RRP12: variants seen among roughly 807,000 people sequenced by gnomAD.
RRP12 encodes ribosomal RNA processing 12 homolog.
In RRP12, 78 loss-of-function variants were observed where a neutral mutation model predicts 157.3. That is an observed-to-expected ratio of 0.50 (90% confidence interval 0.41 to 0.60). RRP12 has a LOEUF of 0.60. Ranked by LOEUF, RRP12 falls within the 20% of genes least tolerant of loss-of-function variation. The pLI is 0.00. For synonymous variants in RRP12, 726 were observed against 670.9 expected (o/e 1.08, Z -1.27); for missense variants, 1,521 against 1,679.9 (o/e 0.91, Z 1.65).
chr10:97,370,831 A>T lies in RRP12; in HGVS notation c.2503-35T>A, dbSNP rs376830541. 7.5e-5 allele frequency: 121 copies of T among 1,610,872 alleles called. No individual in the cohort carries two copies. In the East Asian group the frequency reaches 2.0e-3, roughly 27 times the overall value. Reference sequence around the variant, plus strand: ...AAGGGCTACCAGTCAGGACCCCTCAATGCTACCTCCACCCAACAAGCCTCA... The same window carrying T: ...AAGGGCTACCAGTCAGGACCCCTCATTGCTACCTCCACCCAACAAGCCTCA... On this transcript the variant is annotated intron_variant, in intron 21 of 33. Coordinates refer to ENST00000370992, the MANE Select transcript of RRP12 (RefSeq NM_015179.4).
At chr10:97,362,157 C>G (rs1283593196) in intron 30 of RRP12, among the ~76,000 whole-genome samples, 1 of 151,298 alleles carries the variant, frequency 6.6e-6, no homozygotes, top group Non-Finnish European at 1.5e-5. Context: ...AAGAAACCCT[C>G]TGGGGGTCTC....
chr10:97,358,121 T>C (rs1172604213), intron 33 of RRP12, among the ~76,000 whole-genome samples: 3 of 151,706 alleles, frequency 2.0e-5, no homozygotes, highest in Non-Finnish European at 4.4e-5. Context: ...GATCATGAGG[T>C]CAAGAGATCG....
At chr10:97,361,561 A>G (rs1238240352) in intron 30 of RRP12, among the ~76,000 whole-genome samples, 1 of 152,226 alleles carries the variant, frequency 6.6e-6, no homozygotes, top group East Asian at 1.9e-4. Context: ...GGGCAGAGCG[A>G]ACAGGCTGCA....
At chr10:97,358,392 T>C in intron 33 of RRP12, 145 bp downstream of exon 33, 1 of 679,728 alleles carries the variant, frequency 1.5e-6, no homozygotes, top group Non-Finnish European at 2.6e-6. Flanking sequence ...ACCAGCTACA[T>C]GATATAGGTG....
chr10:97,378,789 G>A (rs1159382655), intron 15 of RRP12, among the ~76,000 whole-genome samples: 3 of 152,084 alleles, frequency 2.0e-5, no homozygotes, highest in Non-Finnish European at 2.9e-5. Flanking sequence ...CCCGGAAGGC[G>A]GAGGTTGCAG....
chr10:97,358,194 A>G (rs985045405), intron 33 of RRP12, among the ~76,000 whole-genome samples: 2 of 149,756 alleles, frequency 1.3e-5, no homozygotes, highest in Admixed American at 6.6e-5. Context: ...TTAGCTGGGC[A>G]TGGTGGCACG....
chr10:97,400,186 T>C (rs1845099602), intron 2 of RRP12, 119 bp downstream of exon 2: 1 of 761,944 alleles, frequency 1.3e-6, no homozygotes, highest in Non-Finnish European at 2.3e-6. Context: ...GGAGGAGCGA[T>C]GACGCATCAT....
At chr10:97,363,713 C>T in intron 30 of RRP12, 141 bp downstream of exon 30, 1 of 783,594 alleles carries the variant, frequency 1.3e-6, no homozygotes. Flanking sequence ...TTCTGGACCG[C>T]CTGCTATGCA....
intron 2 of RRP12, among the ~76,000 whole-genome samples, chr10:97,398,035 AC>A (rs1845029112): frequency 1.3e-4 from 10 of 74,592 alleles, no homozygotes; most frequent in African/African-American, 7.3e-4. Context: ...ATATATATAT[AC>A]GTATTTTTTT....
At chr10:97,372,885 G>T in intron 18 of RRP12, 82 bp from the exon 19 acceptor site, 1 of 1,465,036 alleles carries the variant, frequency 6.8e-7, no homozygotes, top group South Asian at 1.2e-5. Context: ...TCCCAGAGCG[G>T]CCTCCCCATC....
intron 25 of RRP12, 39 bp downstream of exon 25, chr10:97,369,386 G>A (rs1207492266): frequency 1.2e-6 from 2 of 1,600,792 alleles, no homozygotes; most frequent in Non-Finnish European, 1.7e-6. Context: ...CAGCTCAGAG[G>A]CCACCCTGCT....
At chr10:97,388,210 A>G in intron 8 of RRP12, 42 bp downstream of exon 8, 1 of 1,611,872 alleles carries the variant, frequency 6.2e-7, no homozygotes, top group Non-Finnish European at 8.5e-7. Context: ...AAATGCCACC[A>G]CTGCAGGTCC....
intron 15 of RRP12, among the ~76,000 whole-genome samples, chr10:97,377,333 A>T (rs1209945651): frequency 6.6e-6 from 1 of 152,014 alleles, no homozygotes; most frequent in African/African-American, 2.4e-5. Context: ...CCTGGCCAAC[A>T]TGGTGAAACC....
At chr10:97,395,350 G>A (rs1589441798) in intron 3 of RRP12, among the ~76,000 whole-genome samples, 1 of 149,698 alleles carries the variant, frequency 6.7e-6, no homozygotes, top group Non-Finnish European at 1.5e-5. Context: ...TTGCGAGTTC[G>A]AGACCAGCCG....
At chr10:97,382,784 T>C (rs1844507388) in intron 10 of RRP12, among the ~76,000 whole-genome samples, 1 of 150,742 alleles carries the variant, frequency 6.6e-6, no homozygotes, top group African/African-American at 2.4e-5. Context: ...TTTTTTGAGA[T>C]AGGGTCTCAC....
Position 97,381,418 on chromosome 10 carries a change from T to G in RRP12, c.1386A>C (p.Ser462=), listed in dbSNP as rs1185926338. Residue 462 remains serine (S), a synonymous_variant, in exon 12 of 34, where the codon TCA becomes TCC. Transcript: ENST00000370992. ...TCTTGGCAACAGATTGGGCAGGGCCTGAGGCCGAGGAGGTCACGGAGCCAA... is the reference window on the plus strand; with the variant it reads ...TCTTGGCAACAGATTGGGCAGGGCCGGAGGCCGAGGAGGTCACGGAGCCAA... The part of the protein sequence containing the change: ...ADIGSVTSSA[S]GPAQSVAKMF... 2 of 1,613,200 alleles carry G rather than the reference T, an allele frequency of 1.2e-6. No homozygotes were observed. Among genetic ancestry groups the G allele is most frequent in the East Asian group, 4.5e-5 (2 of 44,866 alleles).
intron 15 of RRP12, among the ~76,000 whole-genome samples, chr10:97,376,476 G>A (rs2133059303): frequency 6.6e-6 from 1 of 152,150 alleles, no homozygotes; most frequent in African/African-American, 2.4e-5. Flanking sequence ...GCCTCCCAAA[G>A]TGCTGAGATT....
At chr10:97,389,148 G>A (rs1844724692) in intron 6 of RRP12, among the ~76,000 whole-genome samples, 1 of 152,194 alleles carries the variant, frequency 6.6e-6, no homozygotes, top group Admixed American at 6.5e-5. Flanking sequence ...CAGGCGGAGT[G>A]CAGTGGCGGA....
intron 8 of RRP12, 106 bp downstream of exon 8, chr10:97,388,146 C>G (rs755805967): frequency 1.4e-6 from 2 of 1,459,808 alleles, no homozygotes; most frequent in Non-Finnish European, 1.9e-6. Flanking sequence ...CTTAAGAACA[C>G]AGTCAGGGAG....
Sources: allele counts gnomAD v4.1 joint callset (sites outside exome capture counted in the v4.1 genomes callset), GRCh38; gene constraint gnomAD v4.1.1; transcripts MANE v1.5; gene names NCBI Gene and HGNC (gene_info 2026-07-23, HGNC 2026-07-21).